The following RMST variants were observed in gnomAD, a reference collection of about 807,000 sequenced individuals.
RMST encodes the protein rhabdomyosarcoma 2 associated transcript.
intron 13 of RMST, chr12:97,563,676 C>T (rs772486028): frequency 1.2e-4 from 50 of 412,848 alleles, no homozygotes; most frequent in Non-Finnish European, 1.8e-4. Flanking sequence ...CTTGTTAATT[C>T]GTGATGTCAC....
At chr12:97,500,925 C>A (rs1424477966) in intron 10 of RMST, among the ~76,000 whole-genome samples, 1 of 151,986 alleles carries the variant, frequency 6.6e-6, no homozygotes, top group Non-Finnish European at 1.5e-5. Context: ...AAATTAAAAC[C>A]CAGACATACA....
intron 11 of RMST, among the ~76,000 whole-genome samples, chr12:97,553,511 C>T (rs1883457360): frequency 6.6e-6 from 1 of 152,176 alleles, no homozygotes; most frequent in African/African-American, 2.4e-5. Flanking sequence ...TGTCTATCAA[C>T]AACTCTTAGC....
At chr12:97,478,613 C>T (rs1874838418) in intron 5 of RMST, among the ~76,000 whole-genome samples, 1 of 152,024 alleles carries the variant, frequency 6.6e-6, no homozygotes, top group Non-Finnish European at 1.5e-5. Context: ...TGGCATTCCC[C>T]AATAAATCAG....
intron 10 of RMST, among the ~76,000 whole-genome samples, chr12:97,513,543 A>G (rs1879636920): frequency 6.6e-6 from 1 of 152,224 alleles, no homozygotes; most frequent in South Asian, 2.1e-4. Context: ...TAGAGCTTCT[A>G]TTCTAGTGTT....
chr12:97,475,802 G>T (rs578112580), intron 5 of RMST, among the ~76,000 whole-genome samples: 1 of 152,064 alleles, frequency 6.6e-6, no homozygotes, highest in East Asian at 1.9e-4. Flanking sequence ...GGACATGCAG[G>T]TTTCAAAAAT....
chr12:97,499,809 G>A (rs1309917249), intron 10 of RMST, among the ~76,000 whole-genome samples: 1 of 151,866 alleles, frequency 6.6e-6, no homozygotes, highest in Non-Finnish European at 1.5e-5. Context: ...ACAGGTGTGT[G>A]CCACCACTCC....
exon 8 of RMST, chr12:97,493,996 C>T (rs1877135849): frequency 6.6e-6 from 1 of 152,174 alleles, no homozygotes; most frequent in African/African-American, 2.4e-5. Context: ...TTCTGTCTCT[C>T]TATAAGGTAA....
intron 5 of RMST, among the ~76,000 whole-genome samples, chr12:97,485,808 C>T (rs920762124): frequency 6.6e-6 from 1 of 152,228 alleles, no homozygotes; most frequent in African/African-American, 2.4e-5. Context: ...GGAAACTAGT[C>T]TCTCAGCATT....
intron 10 of RMST, among the ~76,000 whole-genome samples, chr12:97,519,038 A>G (rs965579899): frequency 6.6e-6 from 1 of 152,146 alleles, no homozygotes; most frequent in Non-Finnish European, 1.5e-5. Flanking sequence ...TTGGCCTCCC[A>G]AAGTGTCGGG....
At chr12:97,555,113 G>A (rs1883606274) in intron 11 of RMST, among the ~76,000 whole-genome samples, 1 of 152,128 alleles carries the variant, frequency 6.6e-6, no homozygotes, top group Admixed American at 6.6e-5. Flanking sequence ...AGTCAGCTTT[G>A]ACCTTTAATT....
chr12:97,479,832 A>G (rs1014400724), intron 5 of RMST, among the ~76,000 whole-genome samples: 1 of 151,944 alleles, frequency 6.6e-6, no homozygotes, highest in Non-Finnish European at 1.5e-5. Flanking sequence ...TGCAGTTCAG[A>G]CTCAAATATC....
chr12:97,504,307 G>A (rs1878423496), intron 10 of RMST, among the ~76,000 whole-genome samples: 1 of 151,530 alleles, frequency 6.6e-6, no homozygotes, highest in Non-Finnish European at 1.5e-5. Flanking sequence ...GGGAGGCTGA[G>A]GCAGGAAAAT....
intron 5 of RMST, among the ~76,000 whole-genome samples, chr12:97,469,732 C>G (rs1762069573): frequency 6.6e-6 from 1 of 151,952 alleles, no homozygotes; most frequent in South Asian, 2.1e-4. Context: ...TAGGCTTGTT[C>G]AAGATGTTCA....
At chr12:97,482,763 A>ATT (rs1323271007) in intron 5 of RMST, among the ~76,000 whole-genome samples, 31 of 40,986 alleles carry the variant, frequency 7.6e-4, no homozygotes, top group African/African-American at 2.5e-3. Context: ...AAATAAATTT[A>ATT]TATTATTTAT....
intron 11 of RMST, among the ~76,000 whole-genome samples, chr12:97,535,625 C>T (rs1882009851): frequency 6.6e-6 from 1 of 151,594 alleles, no homozygotes; most frequent in Non-Finnish European, 1.5e-5. Context: ...CTGGTGAAGC[C>T]TTTCCTTCAC....
chr12:97,564,685 A>G (rs1285116190), exon 14 of RMST: 1 of 151,734 alleles, frequency 6.6e-6, no homozygotes, highest in Non-Finnish European at 1.5e-5. Context: ...CCCTCTTTCT[A>G]TTTTCTCTCC....
At chr12:97,549,844 A>T (rs1883191524) in intron 11 of RMST, among the ~76,000 whole-genome samples, 1 of 152,210 alleles carries the variant, frequency 6.6e-6, no homozygotes, top group Non-Finnish European at 1.5e-5. Context: ...GTTGACATAT[A>T]AGCAGGTGTT....
At chr12:97,547,521 G>T (rs1312595163) in intron 11 of RMST, among the ~76,000 whole-genome samples, 2 of 151,992 alleles carry the variant, frequency 1.3e-5, no homozygotes, top group African/African-American at 4.8e-5. Flanking sequence ...TGGTGTGAGA[G>T]GACTCCCCTT....
intron 5 of RMST, among the ~76,000 whole-genome samples, chr12:97,488,078 T>A (rs1216596669): frequency 6.6e-6 from 1 of 152,146 alleles, no homozygotes; most frequent in Non-Finnish European, 1.5e-5. Context: ...ATGATAGCTA[T>A]CCCATTTCAG....
Sources: gnomAD v4.1 joint callset for allele counts (sites outside exome capture counted in the v4.1 genomes callset) on GRCh38, gnomAD v4.1.1 for gene constraint, MANE v1.5 for transcripts, NCBI Gene and HGNC (gene_info 2026-07-23, HGNC 2026-07-21) for gene names.